Variants in SUGCT observed in about 807,000 individuals in gnomAD.
SUGCT encodes succinyl-CoA:glutarate CoA-transferase.
SUGCT carries 41 observed loss-of-function variants against 55.0 expected under a neutral mutation model. That is an observed-to-expected ratio of 0.74 (90% CI 0.58 to 0.97). The LOEUF is 0.97. Among genes scored for constraint, SUGCT ranks in the 50% least tolerant of loss-of-function variants. The pLI is 0.00. For synonymous variants in SUGCT, 187 were observed against 200.4 expected, an observed-to-expected ratio of 0.93 and a Z score of 0.56; for missense variants, 568 against 547.8, an observed-to-expected ratio of 1.04 and a Z score of -0.37.
At chr7:40,154,017 G>T in intron 1 of SUGCT, 1 of 266,298 alleles carries the variant, frequency 3.8e-6, no homozygotes, top group Non-Finnish European at 7.6e-6. Flanking sequence ...AGCATTATCT[G>T]GCATGTGATG....
chr7:40,884,435 C>T, the SUGCT span, among the ~76,000 whole-genome samples: 2 of 152,202 alleles, frequency 1.3e-5, no homozygotes, highest in Admixed American at 1.3e-4. Context: ...CCCTTTATGA[C>T]TGAGTTTCCC....
chr7:40,512,736 A>G (rs1448333909), intron 12 of SUGCT, among the ~76,000 whole-genome samples: 1 of 152,022 alleles, frequency 6.6e-6, no homozygotes, highest in African/African-American at 2.4e-5. Flanking sequence ...AGAAGTAGTA[A>G]CTGGCATAGA....
At chr7:40,755,310 T>C (rs1443150522) in intron 13 of SUGCT, among the ~76,000 whole-genome samples, 1 of 152,206 alleles carries the variant, frequency 6.6e-6, no homozygotes, top group Admixed American at 6.5e-5. Context: ...TTGAAGACTT[T>C]TGTAAAACTT....
chr7:40,296,361 T>C (rs1794143197), intron 8 of SUGCT, among the ~76,000 whole-genome samples: 2 of 152,212 alleles, frequency 1.3e-5, no homozygotes. Context: ...CTGTGTGCTC[T>C]TGGGCTGCCC....
chr7:40,478,374 A>G (rs1335011334), intron 11 of SUGCT, among the ~76,000 whole-genome samples: 5 of 152,106 alleles, frequency 3.3e-5, no homozygotes, highest in Admixed American at 2.0e-4. Flanking sequence ...TACATCACAT[A>G]TATTTTATTT....
intron 13 of SUGCT, among the ~76,000 whole-genome samples, chr7:40,786,563 T>C (rs1472844089): frequency 6.6e-6 from 1 of 152,202 alleles, no homozygotes; most frequent in Non-Finnish European, 1.5e-5. Flanking sequence ...GCTAATTATA[T>C]TGTTGCATAT....
chr7:40,161,492 A>G (rs1175147097), intron 1 of SUGCT, among the ~76,000 whole-genome samples: 1 of 152,158 alleles, frequency 6.6e-6, no homozygotes, highest in South Asian at 2.1e-4. Flanking sequence ...TTAAGTACCT[A>G]TGAAGTTGTT....
intron 6 of SUGCT, among the ~76,000 whole-genome samples, chr7:40,207,484 C>T (rs1336745970): frequency 2.0e-5 from 3 of 152,108 alleles, no homozygotes; most frequent in Admixed American, 2.0e-4. Context: ...TAAAATGGTT[C>T]AGCCCCTATG....
intron 12 of SUGCT, among the ~76,000 whole-genome samples, chr7:40,669,346 CAAAAAA>C (rs33947436): frequency 0.23 from 21,057 of 90,850 alleles, 1,600 homozygotes; most frequent in Middle Eastern, 0.29. Context: ...GTGTAAGCTT[CAAAAAA>C]AAAAAAAAAA....
At chr7:40,371,943 C>G (rs1356927484) in intron 9 of SUGCT, among the ~76,000 whole-genome samples, 3 of 145,300 alleles carry the variant, frequency 2.1e-5, no homozygotes, top group Non-Finnish European at 4.5e-5. Context: ...ATATACATCT[C>G]GAACACACAC....
intron 12 of SUGCT, among the ~76,000 whole-genome samples, chr7:40,612,781 T>A (rs779775113): frequency 5.3e-5 from 8 of 152,256 alleles, no homozygotes; most frequent in Non-Finnish European, 1.2e-4. Context: ...GCTAACATGA[T>A]TATTAGAATT....
chr7:40,985,377 C>T, the SUGCT span, among the ~76,000 whole-genome samples: 2 of 152,092 alleles, frequency 1.3e-5, no homozygotes, highest in Non-Finnish European at 1.5e-5. Context: ...AGGAGATAGA[C>T]ATCAAAACAA....
At chr7:40,946,666 A>G in the SUGCT span, among the ~76,000 whole-genome samples, 2 of 152,238 alleles carry the variant, frequency 1.3e-5, no homozygotes, top group African/African-American at 4.8e-5. Context: ...TTATCTAGGA[A>G]TGTCTTTATT....
At chr7:40,659,123 A>G (rs981530325) in intron 12 of SUGCT, among the ~76,000 whole-genome samples, 1 of 152,180 alleles carries the variant, frequency 6.6e-6, no homozygotes, top group East Asian at 1.9e-4. Flanking sequence ...CTCTGATGTT[A>G]TAGGGATCTA....
chr7:40,494,393 CAGG>C (rs1299418472), intron 11 of SUGCT, among the ~76,000 whole-genome samples: 4 of 152,060 alleles, frequency 2.6e-5, no homozygotes, highest in African/African-American at 9.7e-5. Flanking sequence ...AGGCCTTGGC[CAGG>C]AGATGACTGG....
At chr7:40,257,484 T>TA (rs887087045) in intron 7 of SUGCT, among the ~76,000 whole-genome samples, 174 of 150,878 alleles carry the variant, frequency 1.2e-3, no homozygotes, top group African/African-American at 3.3e-3. Flanking sequence ...AAAGAAATGT[T>TA]AAAAAAAAAG....
chr7:40,944,903 G>A, the SUGCT span, among the ~76,000 whole-genome samples: 2 of 152,186 alleles, frequency 1.3e-5, no homozygotes, highest in African/African-American at 2.4e-5. Flanking sequence ...GAGTTCCTTT[G>A]TAGAGGATGA....
rs547644776 is a variant in SUGCT, at chr7:40,617,024, C to T, written c.1089+120638C>T. Among the ~76,000 whole-genome samples the T allele has an allele frequency of 1.4e-4, 21 of 152,092 alleles. No individual in the cohort carries two copies. In the South Asian group the frequency reaches 4.2e-3, roughly 30 times the overall value. ...TTATGACTTTTTTCATACTGTGCCA[C>T]AAGGCAAATAAGTTTTGTCTTATTT... On this transcript the variant is annotated intron_variant, in intron 12 of 13. Coordinates refer to ENST00000335693, the MANE Select transcript of SUGCT (RefSeq NM_001193313.2).
chr7:40,575,995 T>C (rs76848702), intron 12 of SUGCT, among the ~76,000 whole-genome samples: 3,799 of 151,886 alleles, frequency 0.025, 169 homozygotes, highest in African/African-American at 0.084. Context: ...CTGTGTAATG[T>C]TTCTCCCATG....
Sources: gnomAD v4.1 joint callset for allele counts (sites outside exome capture counted in the v4.1 genomes callset) on GRCh38, gnomAD v4.1.1 for gene constraint, MANE v1.5 for transcripts, NCBI Gene and HGNC (gene_info 2026-07-23, HGNC 2026-07-21) for gene names.